The following MRPS28 variants were observed in gnomAD, a reference collection of about 807,000 sequenced individuals.
MRPS28 encodes small ribosomal subunit protein bS1m.
In MRPS28, 7 loss-of-function variants were observed where a neutral mutation model predicts 10.8. The ratio of observed to expected loss-of-function variants is 0.65; its 90% CI spans 0.37 to 1.22. The LOEUF is 1.22. Ranked by LOEUF, MRPS28 falls within the 50% of genes most tolerant of loss-of-function variation. MRPS28 has a pLI of 0.02. For missense variants in MRPS28, 265 were observed against 232.9 expected (o/e 1.14, Z -0.90); for synonymous variants, 121 against 93.3 (o/e 1.30, Z -1.71).
At chr8:79,961,362 C>A (rs1227264030) in intron 2 of MRPS28, among the ~76,000 whole-genome samples, 1 of 152,076 alleles carries the variant, frequency 6.6e-6, no homozygotes, top group African/African-American at 2.4e-5. Flanking sequence ...AAGAGACCTG[C>A]TACAGATGTT....
chr8:80,019,573 A>G (rs1346129727), intron 1 of MRPS28, among the ~76,000 whole-genome samples: 1 of 152,150 alleles, frequency 6.6e-6, no homozygotes, highest in African/African-American at 2.4e-5. Flanking sequence ...GCACAGGAAG[A>G]AGGCAAGGAT....
chr8:80,002,269 C>G (rs1286920387), intron 2 of MRPS28, among the ~76,000 whole-genome samples: 1 of 151,902 alleles, frequency 6.6e-6, no homozygotes, highest in Non-Finnish European at 1.5e-5. Context: ...CCATTGATTA[C>G]TAGATTCACT....
intron 2 of MRPS28, among the ~76,000 whole-genome samples, chr8:79,929,619 C>A (rs547789726): frequency 6.6e-6 from 1 of 151,880 alleles, no homozygotes; most frequent in African/African-American, 2.4e-5. Flanking sequence ...CCCCCACCCC[C>A]CCAAAAGCAG....
intron 2 of MRPS28, among the ~76,000 whole-genome samples, chr8:79,962,496 A>G (rs538128393): frequency 6.6e-6 from 1 of 152,292 alleles, no homozygotes; most frequent in East Asian, 1.9e-4. Flanking sequence ...GAAAGTATCA[A>G]AAAATTAGAA....
At chr8:79,997,222 C>T (rs1312535061) in intron 2 of MRPS28, among the ~76,000 whole-genome samples, 2 of 152,116 alleles carry the variant, frequency 1.3e-5, no homozygotes, top group African/African-American at 2.4e-5. Context: ...TTTTAAATTA[C>T]CATACAAGCC....
intron 2 of MRPS28, among the ~76,000 whole-genome samples, chr8:79,983,639 G>A (rs977012097): frequency 1.2e-4 from 19 of 152,208 alleles, no homozygotes; most frequent in Admixed American, 3.9e-4. Flanking sequence ...AGAAGCCTCA[G>A]GAGCTGATGC....
intron 1 of MRPS28, among the ~76,000 whole-genome samples, chr8:80,014,808 T>C (rs548697755): frequency 6.6e-6 from 1 of 152,094 alleles, no homozygotes; most frequent in Admixed American, 6.6e-5. Flanking sequence ...CCAAGATGAT[T>C]TCCCCCCTGC....
At chr8:79,978,514 T>C (rs1385012461) in intron 2 of MRPS28, among the ~76,000 whole-genome samples, 2 of 152,210 alleles carry the variant, frequency 1.3e-5, no homozygotes, top group African/African-American at 4.8e-5. Flanking sequence ...ATATATTTCA[T>C]ACCTTCTCTA....
intron 1 of MRPS28, chr8:80,028,930 G>T (rs374079300): frequency 6.6e-6 from 1 of 152,338 alleles, no homozygotes; most frequent in East Asian, 1.9e-4. Flanking sequence ...ACACTCCAGC[G>T]TGGGTGACAG....
chr8:80,005,572 T>C (rs1031426394), intron 1 of MRPS28, among the ~76,000 whole-genome samples: 10 of 152,112 alleles, frequency 6.6e-5, no homozygotes, highest in Non-Finnish European at 1.3e-4. Flanking sequence ...AGAAACTGCA[T>C]AAACTAATGA....
chr8:79,993,067 T>C (rs959610262), intron 2 of MRPS28, among the ~76,000 whole-genome samples: 1 of 152,164 alleles, frequency 6.6e-6, no homozygotes, highest in African/African-American at 2.4e-5. Flanking sequence ...AAGACAAAAT[T>C]CAAAAGAGAA....
intron 1 of MRPS28, among the ~76,000 whole-genome samples, chr8:80,011,484 T>C (rs576688488): frequency 1.9e-3 from 286 of 152,124 alleles, no homozygotes; most frequent in African/African-American, 6.7e-3. Flanking sequence ...CTAGGCATTG[T>C]GGCTCACGCC....
intron 2 of MRPS28, among the ~76,000 whole-genome samples, chr8:79,951,743 C>T (rs563011097): frequency 6.6e-6 from 1 of 152,252 alleles, no homozygotes; most frequent in South Asian, 2.1e-4. Context: ...AAAGAGATGC[C>T]CCCTTTCCTG....
Position 79,971,742 on chromosome 8 carries a change from G to A in MRPS28, c.395+31257C>T, listed in dbSNP as rs1309913444. Among the ~76,000 whole-genome samples the A allele has an allele frequency of 4.6e-5, 7 of 152,186 alleles. No individual in the cohort carries two copies. The East Asian group carries it at 1.4e-3, about 29-fold the overall frequency. On this transcript the variant is annotated intron_variant, in intron 2 of 2. Coordinates refer to ENST00000276585, the MANE Select transcript of MRPS28 (RefSeq NM_014018.3). ...AAATGAAGTTTTATTCTGCAACCCA[G>A]GCTGGAGTGCAGTGGTGCGATCTCA... is the stretch of plus-strand genomic sequence containing the variant.
intron 1 of MRPS28, among the ~76,000 whole-genome samples, chr8:80,026,759 T>C (rs1809502212): frequency 2.6e-5 from 4 of 152,212 alleles, no homozygotes; most frequent in South Asian, 2.1e-4. Flanking sequence ...AAAAATGGCA[T>C]GTGCATGGTT....
chr8:79,928,805 G>GA (rs2129882108), intron 2 of MRPS28, among the ~76,000 whole-genome samples: 1 of 244 alleles, frequency 4.1e-3, no homozygotes, highest in African/African-American at 0.018. Flanking sequence ...CCAGCACTTT[G>GA]GAGCTGAGTG....
intron 2 of MRPS28, among the ~76,000 whole-genome samples, chr8:79,985,314 G>C (rs1469887474): frequency 1.3e-5 from 2 of 152,198 alleles, no homozygotes; most frequent in African/African-American, 4.8e-5. Flanking sequence ...ATGCCCACAA[G>C]AGAAAGCAGG....
At position 80,003,006 on chromosome 8, in the gene MRPS28, C is replaced by T. The variant is rs766736892; in HGVS notation, c.388G>A (p.Asp130Asn). 3.2e-6 allele frequency: 5 copies of T among 1,578,028 alleles called. No individual in the cohort carries two copies. Among genetic ancestry groups the T allele is most frequent in the East Asian group, 4.5e-5 (2 of 44,346 alleles). The part of the protein sequence containing the change: ...FHCVCRRPEV[D>N]GEKYQKGTRV... Reference sequence around the variant, plus strand: ...GGAAATGATTTTACTTACTCTCCATCCACTTCTGGTCTTCTACATACACAA... The same window carrying T: ...GGAAATGATTTTACTTACTCTCCATTCACTTCTGGTCTTCTACATACACAA... The change falls in exon 2 of 3, where the codon GAT becomes AAT. Residue 130 changes from aspartate (D) to asparagine (N), a missense_variant. Coordinates refer to ENST00000276585, the MANE Select transcript of MRPS28 (RefSeq NM_014018.3).
At chr8:80,002,831 C>T (rs906259334) in intron 2 of MRPS28, among the ~76,000 whole-genome samples, 168 bp downstream of exon 2, 1 of 152,340 alleles carries the variant, frequency 6.6e-6, no homozygotes, top group South Asian at 2.1e-4. Context: ...TCTGGCCTGA[C>T]ATGACCAACA....
Sources: gnomAD v4.1 joint callset for allele counts (sites outside exome capture counted in the v4.1 genomes callset) on GRCh38, gnomAD v4.1.1 for gene constraint, MANE v1.5 for transcripts, NCBI Gene and HGNC (gene_info 2026-07-23, HGNC 2026-07-21) for gene names.